The following SHTN1 variants were observed in gnomAD, a reference collection of about 807,000 sequenced individuals.
SHTN1 encodes shootin 1.
SHTN1 carries 42 observed loss-of-function variants against 83.1 expected under a neutral mutation model. That is an observed-to-expected ratio of 0.51 (90% confidence interval 0.39 to 0.65). The LOEUF is 0.65. Among genes scored for constraint, SHTN1 ranks in the 30% least tolerant of loss-of-function variants. SHTN1 has a pLI of 0.00. For missense variants in SHTN1, 622 were observed against 737.8 expected, an observed-to-expected ratio of 0.84 and a Z score of 1.82; for synonymous variants, 224 against 247.7, an observed-to-expected ratio of 0.90 and a Z score of 0.90.
intron 1 of SHTN1, among the ~76,000 whole-genome samples, chr10:117,099,860 T>TA (rs1234878199): frequency 2.6e-5 from 4 of 152,114 alleles, no homozygotes; most frequent in Admixed American, 2.0e-4. Context: ...ATAAAATGAA[T>TA]AAATGTCTAT....
At chr10:116,951,785 G>A in intron 6 of SHTN1, 124 bp downstream of exon 6, 1 of 444,828 alleles carries the variant, frequency 2.2e-6, no homozygotes, top group Admixed American at 4.1e-5. Context: ...GAGGAGAGAA[G>A]ATTAAAATTG....
upstream of SHTN1, among the ~76,000 whole-genome samples, chr10:117,010,457 A>G (rs370076144): frequency 2.5e-4 from 38 of 152,302 alleles, no homozygotes; most frequent in South Asian, 3.3e-3. Context: ...TTCAATGAAA[A>G]TAAGTTCAGG....
chr10:117,108,499 T>C (rs1853703888), intron 1 of SHTN1, among the ~76,000 whole-genome samples: 1 of 137,904 alleles, frequency 7.3e-6, no homozygotes, highest in South Asian at 2.3e-4. Context: ...TAGGTGGGAA[T>C]TGAACAATGA....
Position 116,881,947 on chromosome 10 carries a change from C to A in SHTN1, c.*4397G>T. On this transcript the variant is annotated 3_prime_UTR_variant, in exon 17 of 17. Transcript: ENST00000355371. Reference sequence around the variant, plus strand: ...AGGGACACGCTCCAGTAAAAGAGGCCAATATTTTTGTTGCCAACTCCACAC... The same window carrying A: ...AGGGACACGCTCCAGTAAAAGAGGCAAATATTTTTGTTGCCAACTCCACAC... 1 of 288,182 alleles carries A rather than the reference C, an allele frequency of 3.5e-6. No homozygotes were observed. Among genetic ancestry groups the A allele is most frequent in the Non-Finnish European group, 6.4e-6 (1 of 157,266 alleles). The allele number at this position is 288,182 out of a possible 1,614,324, so 17.9% of individuals were successfully genotyped here. A position where few individuals can be genotyped will look rare whatever the true frequency, so the allele number is the denominator to read the frequency against.
chr10:117,061,991 A>G (rs75492875), intron 1 of SHTN1, among the ~76,000 whole-genome samples: 2,275 of 152,286 alleles, frequency 0.015, 28 homozygotes, highest in Middle Eastern at 0.024. Flanking sequence ...ATCTCCAAAC[A>G]TTATTTATCT....
At chr10:116,978,593 AATAT>A (rs568748731) in intron 2 of SHTN1, among the ~76,000 whole-genome samples, 1 of 149,488 alleles carries the variant, frequency 6.7e-6, no homozygotes. Flanking sequence ...ATTTACAAGA[AATAT>A]ATATATATAT....
chr10:117,063,123 T>C (rs141087566), intron 1 of SHTN1, among the ~76,000 whole-genome samples: 63 of 152,324 alleles, frequency 4.1e-4, no homozygotes, highest in African/African-American at 1.5e-3. Flanking sequence ...TTAAACCTTT[T>C]ACTGACTCAT....
chr10:117,053,622 T>TGTG (rs1390783065), intron 1 of SHTN1, among the ~76,000 whole-genome samples: 1 of 152,210 alleles, frequency 6.6e-6, no homozygotes, highest in Non-Finnish European at 1.5e-5. Context: ...TTGGCAAGGA[T>TGTG]GTGGAGACAT....
chr10:117,111,299 T>A (rs1853764853), intron 1 of SHTN1, among the ~76,000 whole-genome samples: 1 of 151,902 alleles, frequency 6.6e-6, no homozygotes, highest in Non-Finnish European at 1.5e-5. Context: ...TTTCTTTCTT[T>A]CTTTCTTTCT....
At chr10:117,017,135 A>T (rs1852190884) in intron 2 of SHTN1, among the ~76,000 whole-genome samples, 6 of 152,192 alleles carry the variant, frequency 3.9e-5, no homozygotes, top group Admixed American at 3.9e-4. Context: ...GCATGTCAAA[A>T]GGACTCAGGA....
In SHTN1 at chr10:116,914,884, T is replaced by C. The variant is rs918282779; in HGVS notation, c.1305+491A>G. ...GTGAAATTAATGAAAAACAATCATA[T>C]AAGTCTCACTATTTTCCCCAGAGTT... On this transcript the variant is annotated intron_variant, in intron 13 of 16. Coordinates refer to ENST00000355371, the MANE Select transcript of SHTN1 (RefSeq NM_001127211.3). Among the ~76,000 whole-genome samples the C allele has an allele frequency of 7.9e-5, 12 of 152,160 alleles. 1 individual carries two copies. Among genetic ancestry groups the C allele is most frequent in the African/African-American group, 2.9e-4 (12 of 41,428 alleles).
intron 1 of SHTN1, among the ~76,000 whole-genome samples, chr10:117,054,995 C>G (rs754916651): frequency 6.6e-6 from 1 of 152,102 alleles, no homozygotes; most frequent in Non-Finnish European, 1.5e-5. Flanking sequence ...GGAAAAGAGA[C>G]TTAATTGACT....
In SHTN1 at chr10:116,921,443, G is replaced by C. The variant is rs746356617; in HGVS notation, c.1186C>G (p.Pro396Ala). The change falls in exon 12 of 17, where the codon CCA becomes GCA. Residue 396 changes from proline (P) to alanine (A), a missense_variant. This residue lies in a region of SHTN1 where 383 missense variants were observed against 455.8 expected (regional missense o/e 0.84). Coordinates refer to ENST00000355371, the MANE Select transcript of SHTN1 (RefSeq NM_001127211.3). ...TAGAAGTGATGCTTACTTGTTTCTG[G>C]TTGAGTTGCCTTTTCTTTCTTAGCA... The part of the protein sequence containing the change: ...SGAKKEKATQ[P>A]ETTEEVTDLK... 4.3e-6 allele frequency: 7 copies of C among 1,612,772 alleles called. No homozygotes were observed. Among genetic ancestry groups the C allele is most frequent in the Non-Finnish European group, 8.5e-7 (1 of 1,179,084 alleles).
chr10:116,975,643 C>T (rs187492411), intron 2 of SHTN1, among the ~76,000 whole-genome samples: 3 of 150,072 alleles, frequency 2.0e-5, no homozygotes, highest in African/African-American at 4.9e-5. Flanking sequence ...CTCAAAGTCA[C>T]TGATAAAAAA....
At chr10:116,898,130 C>T (rs1742942978) in intron 16 of SHTN1, among the ~76,000 whole-genome samples, 1 of 152,024 alleles carries the variant, frequency 6.6e-6, no homozygotes, top group East Asian at 1.9e-4. Flanking sequence ...GAGTTCAAGA[C>T]CAGCCTGACC....
chr10:116,974,606 A>T (rs1440105725), intron 2 of SHTN1, among the ~76,000 whole-genome samples: 1 of 152,212 alleles, frequency 6.6e-6, no homozygotes, highest in Non-Finnish European at 1.5e-5. Flanking sequence ...GCACTGTTAC[A>T]GTAGCTCACC....
At chr10:117,085,378 T>C (rs1181623677) in intron 1 of SHTN1, among the ~76,000 whole-genome samples, 1 of 152,370 alleles carries the variant, frequency 6.6e-6, no homozygotes, top group Non-Finnish European at 1.5e-5. Context: ...TAAATTTCTC[T>C]TGCGATTTCT....
chr10:117,099,951 G>A (rs1332435093), intron 1 of SHTN1, among the ~76,000 whole-genome samples: 1 of 145,332 alleles, frequency 6.9e-6, no homozygotes, highest in East Asian at 1.9e-4. Context: ...GCCGAGGTGG[G>A]TGGATCATCT....
chr10:116,971,626 A>C (rs1445753905), intron 2 of SHTN1, among the ~76,000 whole-genome samples: 1 of 152,184 alleles, frequency 6.6e-6, no homozygotes, highest in African/African-American at 2.4e-5. Flanking sequence ...GTGTAGCATA[A>C]GGCACAAAAA....
Sources: gnomAD v4.1 joint callset for allele counts (sites outside exome capture counted in the v4.1 genomes callset) on GRCh38, gnomAD v4.1.1 for gene constraint, gnomAD v4.1.1 regional missense constraint, MANE v1.5 for transcripts, NCBI Gene and HGNC (gene_info 2026-07-23, HGNC 2026-07-21) for gene names.